MIR2052HG: variants seen among roughly 807,000 people sequenced by gnomAD.
MIR2052HG encodes MIR2052 host gene.
chr8:74,728,890 C>T (rs1809662045), intron 4 of MIR2052HG, among the ~76,000 whole-genome samples: 2 of 152,064 alleles, frequency 1.3e-5, no homozygotes, highest in Non-Finnish European at 2.9e-5. Context: ...AGAATGAACT[C>T]TTATTTCATA....
At chr8:74,638,587 G>A (rs940266256) in intron 2 of MIR2052HG, among the ~76,000 whole-genome samples, 2 of 152,066 alleles carry the variant, frequency 1.3e-5, no homozygotes, top group Non-Finnish European at 2.9e-5. Flanking sequence ...AGGATTTTGG[G>A]GAGTAGTGTG....
At chr8:74,720,599 T>G (rs1436037078) in intron 4 of MIR2052HG, among the ~76,000 whole-genome samples, 1 of 152,164 alleles carries the variant, frequency 6.6e-6, no homozygotes, top group African/African-American at 2.4e-5. Flanking sequence ...AATGCTTGAG[T>G]GTTCACTTTT....
intron 2 of MIR2052HG, among the ~76,000 whole-genome samples, chr8:74,660,869 T>TAA (rs11436838): frequency 2.0e-5 from 3 of 151,774 alleles, no homozygotes; most frequent in Non-Finnish European, 4.4e-5. Context: ...GCTTTATGTT[T>TAA]AAAAAAAATA....
At position 74,620,892 on chromosome 8, in the gene MIR2052HG, G is replaced by A. The variant is rs533652646; in HGVS notation, n.216+7952G>A. ...AATGAGTTTTTATTTTCTATTGCAT[G>A]GTCAGGTTGGATATTTTTCAAACTT... On this transcript the variant is annotated intron_variant and non_coding_transcript_variant, in intron 2 of 6. Coordinates refer to ENST00000523442, the Ensembl canonical transcript of MIR2052HG. Among the ~76,000 whole-genome samples the A allele has an allele frequency of 4.1e-4, 62 of 152,268 alleles. 1 individual carries two copies. Among genetic ancestry groups the A allele is most frequent in the African/African-American group, 1.5e-3 (61 of 41,546 alleles).
intron 4 of MIR2052HG, among the ~76,000 whole-genome samples, chr8:74,750,088 ACT>A (rs1477370660): frequency 6.6e-6 from 1 of 152,186 alleles, no homozygotes; most frequent in Admixed American, 6.6e-5. Flanking sequence ...GTCAATGGTG[ACT>A]ATATTGAAAT....
intron 1 of MIR2052HG, among the ~76,000 whole-genome samples, chr8:74,602,863 TTC>T (rs1228047535): frequency 1.1e-4 from 16 of 143,860 alleles, no homozygotes; most frequent in African/African-American, 3.9e-4. Context: ...CTTTCTTTCT[TTC>T]TTTCTTTCTT....
intron 4 of MIR2052HG, among the ~76,000 whole-genome samples, chr8:74,746,113 C>T (rs1212288215): frequency 6.6e-6 from 1 of 152,148 alleles, no homozygotes; most frequent in African/African-American, 2.4e-5. Context: ...GACTCTTCCA[C>T]AGACTTGAGG....
intron 3 of MIR2052HG, among the ~76,000 whole-genome samples, chr8:74,702,690 T>C (rs1480162785): frequency 1.3e-5 from 2 of 152,122 alleles, no homozygotes; most frequent in Admixed American, 1.3e-4. Context: ...GAAGATATTC[T>C]GAAGTACCAA....
chr8:74,704,328 G>A (rs903608971), intron 4 of MIR2052HG, among the ~76,000 whole-genome samples: 1 of 151,998 alleles, frequency 6.6e-6, no homozygotes, highest in Non-Finnish European at 1.5e-5. Context: ...AAGTGACCAA[G>A]GGACACATGC....
At chr8:74,672,478 C>T (rs1180762521) in intron 2 of MIR2052HG, among the ~76,000 whole-genome samples, 1 of 152,016 alleles carries the variant, frequency 6.6e-6, no homozygotes, top group Non-Finnish European at 1.5e-5. Flanking sequence ...AAATGGACTA[C>T]CAGTCATGAT....
chr8:74,681,461 G>C (rs899765323), intron 2 of MIR2052HG, among the ~76,000 whole-genome samples: 10 of 152,120 alleles, frequency 6.6e-5, no homozygotes, highest in Admixed American at 5.9e-4. Context: ...AGAGAGCCTG[G>C]TATTAAAGCA....
intron 1 of MIR2052HG, among the ~76,000 whole-genome samples, chr8:74,607,191 A>G (rs1052102170): frequency 1.3e-5 from 2 of 152,206 alleles, no homozygotes; most frequent in African/African-American, 2.4e-5. Flanking sequence ...AATATCAAAG[A>G]AAGTAGATTT....
intron 4 of MIR2052HG, among the ~76,000 whole-genome samples, chr8:74,715,687 T>C (rs1174298995): frequency 6.6e-6 from 1 of 151,952 alleles, no homozygotes; most frequent in African/African-American, 2.4e-5. Context: ...AAATGGAGGG[T>C]GTAACTTGTC....
chr8:74,644,752 A>T, intron 2 of MIR2052HG, among the ~76,000 whole-genome samples: 1 of 151,978 alleles, frequency 6.6e-6, no homozygotes. Flanking sequence ...TTAGCCGGGC[A>T]TGGTGGTGCA....
chr8:74,758,260 A>G (rs1476886719), intron 6 of MIR2052HG: 1 of 152,126 alleles, frequency 6.6e-6, no homozygotes, highest in Non-Finnish European at 1.5e-5. Context: ...CCAGCCTAAA[A>G]ATAACATCTA....
intron 2 of MIR2052HG, among the ~76,000 whole-genome samples, chr8:74,690,658 A>G (rs1157663267): frequency 6.6e-6 from 1 of 151,634 alleles, no homozygotes; most frequent in African/African-American, 2.4e-5. Flanking sequence ...CTCAAAAAAT[A>G]AAATAAAAAT....
chr8:74,605,710 C>T (rs1210581063), intron 1 of MIR2052HG, among the ~76,000 whole-genome samples: 2 of 152,050 alleles, frequency 1.3e-5, no homozygotes, highest in African/African-American at 4.8e-5. Flanking sequence ...AAGAAAAGAA[C>T]ATTTTTGATA....
At chr8:74,672,062 A>G (rs374482603) in intron 2 of MIR2052HG, among the ~76,000 whole-genome samples, 9 of 152,282 alleles carry the variant, frequency 5.9e-5, no homozygotes, top group Middle Eastern at 3.4e-3. Flanking sequence ...CTAATTGTAA[A>G]TATCAAATTG....
chr8:74,694,293 A>G (rs1478586836), intron 2 of MIR2052HG, among the ~76,000 whole-genome samples: 1 of 152,188 alleles, frequency 6.6e-6, no homozygotes, highest in Non-Finnish European at 1.5e-5. Flanking sequence ...AGGAAGCCCC[A>G]TTCCTAGGGG....
Sources: gnomAD v4.1 joint callset for allele counts (sites outside exome capture counted in the v4.1 genomes callset) on GRCh38, gnomAD v4.1.1 for gene constraint, MANE v1.5 for transcripts, NCBI Gene and HGNC (gene_info 2026-07-23, HGNC 2026-07-21) for gene names.